Variants in B3GALT1 observed in about 807,000 individuals in gnomAD.
The protein encoded by B3GALT1 is beta-1,3-galactosyltransferase 1.
B3GALT1 carries 10 observed loss-of-function variants against 23.2 expected under a neutral mutation model. The observed-to-expected ratio is 0.43, with a 90% CI of 0.27 to 0.73. The LOEUF (loss-of-function observed/expected upper bound fraction) is 0.73, where lower values mean the gene tolerates loss of function less well. Ranked by LOEUF, B3GALT1 falls within the 30% of genes least tolerant of loss-of-function variation. The pLI is 0.21. For synonymous variants in B3GALT1, 156 were observed against 141.5 expected, an observed-to-expected ratio of 1.10 and a Z score of -0.73; for missense variants, 299 against 405.4, an observed-to-expected ratio of 0.74 and a Z score of 2.25.
chr2:167,681,536 C>T (rs1183082091), intron 3 of B3GALT1, among the ~76,000 whole-genome samples: 2 of 152,136 alleles, frequency 1.3e-5, no homozygotes, highest in South Asian at 4.1e-4. Context: ...ACTGAAGCAC[C>T]TTTCGTTTGG....
chr2:167,853,182 T>C (rs1689936446), intron 4 of B3GALT1, among the ~76,000 whole-genome samples: 1 of 152,154 alleles, frequency 6.6e-6, no homozygotes, highest in Non-Finnish European at 1.5e-5. Context: ...AAACCTCCCT[T>C]CGCATTCTCA....
chr2:167,297,152 TA>T (rs1295314898), intron 1 of B3GALT1, among the ~76,000 whole-genome samples: 2 of 152,044 alleles, frequency 1.3e-5, no homozygotes, highest in African/African-American at 4.8e-5. Context: ...AAAATCAAAT[TA>T]TAATATTTTC....
intron 1 of B3GALT1, among the ~76,000 whole-genome samples, chr2:167,373,617 T>C (rs1364754200): frequency 6.6e-6 from 1 of 152,128 alleles, no homozygotes; most frequent in Non-Finnish European, 1.5e-5. Context: ...ATATCATGAT[T>C]ATGGTTTAGG....
At chr2:167,383,855 T>A (rs1158800092) in intron 1 of B3GALT1, among the ~76,000 whole-genome samples, 3 of 152,254 alleles carry the variant, frequency 2.0e-5, no homozygotes, top group African/African-American at 7.2e-5. Flanking sequence ...ATTTCCCTAA[T>A]GTAGCTTCTT....
chr2:167,310,513 A>G lies in B3GALT1; in HGVS notation c.-511+17179A>G, dbSNP rs536372168. On this transcript the variant is annotated intron_variant, in intron 1 of 4. Transcript: ENST00000392690. ...CAACCCATGATAATAATTTAAAGAA[A>G]AATCTTCCAGGCAGGGTTTTTGGGG... 2.6e-5 allele frequency among the ~76,000 whole-genome samples: 4 copies of G among 152,208 alleles called. No homozygotes were observed. The South Asian group carries it at 8.3e-4, about 32-fold the overall frequency.
intron 1 of B3GALT1, among the ~76,000 whole-genome samples, chr2:167,351,639 A>G (rs1274416300): frequency 6.6e-6 from 1 of 152,136 alleles, no homozygotes; most frequent in Non-Finnish European, 1.5e-5. Context: ...TGATGTTTAT[A>G]TTTCTGAATT....
chr2:167,727,129 A>G (rs768713733), intron 3 of B3GALT1, among the ~76,000 whole-genome samples: 4 of 151,932 alleles, frequency 2.6e-5, no homozygotes, highest in Admixed American at 1.3e-4. Flanking sequence ...TAGAGATACC[A>G]TTAATGTCAC....
intron 4 of B3GALT1, among the ~76,000 whole-genome samples, chr2:167,822,653 G>A (rs921205428): frequency 6.6e-6 from 1 of 152,106 alleles, no homozygotes; most frequent in African/African-American, 2.4e-5. Flanking sequence ...CTCCCACCTG[G>A]CTTCAGACCT....
chr2:167,401,241 A>T (rs1698184182), intron 1 of B3GALT1, among the ~76,000 whole-genome samples: 1 of 152,142 alleles, frequency 6.6e-6, no homozygotes, highest in African/African-American at 2.4e-5. Flanking sequence ...TTTGAAATTA[A>T]CCTTCCGTCT....
rs76798999 is a variant in B3GALT1, at chr2:167,676,246, A to G, written c.-352+29280A>G. ...CTTACCAAGTGCAACATGCAAACTC[A>G]TAAATAACTTTTTTATCCCAAAGGT... On this transcript the variant is annotated intron_variant, in intron 3 of 4. Transcript: ENST00000392690. Among the ~76,000 whole-genome samples the G allele has an allele frequency of 4.2e-3, 632 of 152,256 alleles. 5 individuals carry two copies. The highest frequency in any genetic ancestry group is 0.015 in the African/African-American group (612 of 41,536).
intron 3 of B3GALT1, among the ~76,000 whole-genome samples, chr2:167,724,640 G>A (rs924312766): frequency 2.6e-5 from 4 of 152,072 alleles, no homozygotes; most frequent in Admixed American, 6.5e-5. Flanking sequence ...TTTTAAAGAA[G>A]CAATACATTC....
At chr2:167,670,800 AC>A (rs1360980634) in intron 3 of B3GALT1, among the ~76,000 whole-genome samples, 1 of 152,198 alleles carries the variant, frequency 6.6e-6, no homozygotes, top group Admixed American at 6.5e-5. Context: ...GCTAAATTAA[AC>A]AAAAGAAAGA....
At chr2:167,514,771 C>G (rs537755384) in intron 2 of B3GALT1, among the ~76,000 whole-genome samples, 8 of 152,088 alleles carry the variant, frequency 5.3e-5, no homozygotes, top group Admixed American at 3.9e-4. Flanking sequence ...CTGAGACTGT[C>G]CAAGCCATAG....
chr2:167,685,472 C>A (rs1344215986), intron 3 of B3GALT1, among the ~76,000 whole-genome samples: 2 of 152,124 alleles, frequency 1.3e-5, no homozygotes, highest in Non-Finnish European at 2.9e-5. Flanking sequence ...TTCAGCGCTT[C>A]TGAGAAGGCC....
chr2:167,528,478 T>C (rs953886223), intron 2 of B3GALT1, among the ~76,000 whole-genome samples: 3 of 152,186 alleles, frequency 2.0e-5, no homozygotes, highest in Non-Finnish European at 4.4e-5. Flanking sequence ...CCATGACTAG[T>C]TGGTGAGGGA....
intron 3 of B3GALT1, among the ~76,000 whole-genome samples, chr2:167,811,950 T>C (rs904379640): frequency 3.9e-5 from 6 of 152,210 alleles, no homozygotes; most frequent in Admixed American, 2.0e-4. Context: ...TGGTTTTGTT[T>C]TGCTGTTTTT....
intron 1 of B3GALT1, among the ~76,000 whole-genome samples, chr2:167,469,016 G>A (rs1699386287): frequency 6.6e-6 from 1 of 152,174 alleles, no homozygotes; most frequent in African/African-American, 2.4e-5. Context: ...CAAATATCAA[G>A]GGATTAGAAA....
At chr2:167,678,465 T>C (rs940318776) in intron 3 of B3GALT1, among the ~76,000 whole-genome samples, 26 of 129,430 alleles carry the variant, frequency 2.0e-4, no homozygotes, top group Middle Eastern at 3.7e-3. Flanking sequence ...ATGAGATGAC[T>C]GCACCTTATT....
At chr2:167,824,695 T>G (rs1689177989) in intron 4 of B3GALT1, among the ~76,000 whole-genome samples, 1 of 152,114 alleles carries the variant, frequency 6.6e-6, no homozygotes, top group Non-Finnish European at 1.5e-5. Flanking sequence ...CCAGTGTCAT[T>G]TGGTCCCTGA....
Sources: allele counts gnomAD v4.1 joint callset (sites outside exome capture counted in the v4.1 genomes callset), GRCh38; gene constraint gnomAD v4.1.1; transcripts MANE v1.5; gene names NCBI Gene and HGNC (gene_info 2026-07-23, HGNC 2026-07-21).